The following SGK3 variants were observed in gnomAD, a reference collection of about 807,000 sequenced individuals.
The protein encoded by SGK3 is serine/threonine-protein kinase Sgk3.
In SGK3, 47 loss-of-function variants were observed where a neutral mutation model predicts 68.5. The ratio of observed to expected loss-of-function variants is 0.69; its 90% CI spans 0.54 to 0.87. SGK3 has a LOEUF of 0.87. Ranked by LOEUF, SGK3 falls within the 40% of genes least tolerant of loss-of-function variation. The probability of loss-of-function intolerance (pLI) is 0.00; values close to 1 mark genes in which losing one functional copy is unlikely to be tolerated. For missense variants in SGK3, 479 were observed against 575.5 expected (o/e 0.83, Z 1.72); for synonymous variants, 181 against 189.1 (o/e 0.96, Z 0.35).
intron 4 of SGK3, among the ~76,000 whole-genome samples, chr8:66,812,065 A>G (rs958423728): frequency 1.3e-5 from 2 of 152,208 alleles, no homozygotes; most frequent in African/African-American, 4.8e-5. Flanking sequence ...CATACCTTAC[A>G]TTTAAGAAAT....
chr8:66,811,576 T>C (rs545965317), intron 4 of SGK3, among the ~76,000 whole-genome samples: 55 of 152,330 alleles, frequency 3.6e-4, no homozygotes, highest in Admixed American at 5.9e-4. Flanking sequence ...CTTCTTCTTA[T>C]ATAGGGCTTT....
At chr8:66,792,753 G>T (rs1167647179) in intron 1 of SGK3, among the ~76,000 whole-genome samples, 1 of 152,172 alleles carries the variant, frequency 6.6e-6, no homozygotes, top group Non-Finnish European at 1.5e-5. Context: ...TGAGCCAGGT[G>T]TGATGGTCTG....
In SGK3 at chr8:66,793,802, T is replaced by C. The variant is rs138778635; in HGVS notation, c.66T>C (p.Asp22=). The C allele has an allele frequency of 1.0e-3, 1,685 of 1,613,334 alleles. 4 individuals are homozygous for C. Among genetic ancestry groups the C allele is most frequent in the Middle Eastern group, 2.5e-3 (15 of 6,062 alleles). Residue 22 remains aspartate, a synonymous_variant, in exon 2 of 17, where the codon GAT becomes GAC. Coordinates refer to ENST00000521198, the MANE Select transcript of SGK3 (RefSeq NM_001033578.3). ...SCPSVSIPSS[D]EHREKKKRFT... ...CAAGTGTAAGCATTCCCAGCTCCGA[T>C]GAACACAGAGAGAAAAAGAAGAGGT...
chr8:66,842,272 G>A (rs1040872870), intron 13 of SGK3, among the ~76,000 whole-genome samples: 7 of 147,524 alleles, frequency 4.7e-5, no homozygotes, highest in African/African-American at 1.8e-4. Flanking sequence ...CCAGGCTGGA[G>A]TGCAGTGGCG....
At chr8:66,849,544 A>G (rs570752151) in intron 15 of SGK3, among the ~76,000 whole-genome samples, 1 of 148,636 alleles carries the variant, frequency 6.7e-6, no homozygotes, top group African/African-American at 2.5e-5. Context: ...TCTGGTCTTG[A>G]CTCTTCAATC....
intron 1 of SGK3, among the ~76,000 whole-genome samples, chr8:66,778,364 T>C (rs1448900504): frequency 2.6e-5 from 4 of 152,232 alleles, no homozygotes; most frequent in African/African-American, 9.6e-5. Context: ...TGGCGCGATC[T>C]CGGCACTTGG....
intron 1 of SGK3, among the ~76,000 whole-genome samples, chr8:66,742,841 A>G (rs1472096084): frequency 1.3e-5 from 2 of 152,112 alleles, no homozygotes; most frequent in East Asian, 3.9e-4. Context: ...ATGACCTTTC[A>G]TGGTTAGTCT....
chr8:66,778,160 C>T (rs569178189), intron 1 of SGK3: 1 of 152,316 alleles, frequency 6.6e-6, no homozygotes, highest in Non-Finnish European at 1.5e-5. Flanking sequence ...TTAGCACAGT[C>T]TACTTTGAAT....
chr8:66,741,242 G>C (rs908785654), intron 1 of SGK3, among the ~76,000 whole-genome samples: 1 of 152,044 alleles, frequency 6.6e-6, no homozygotes, highest in Non-Finnish European at 1.5e-5. Flanking sequence ...TAGTCTCAGA[G>C]TATAGACTTT....
chr8:66,764,460 A>G (rs922322831), intron 1 of SGK3, among the ~76,000 whole-genome samples: 1 of 151,808 alleles, frequency 6.6e-6, no homozygotes, highest in Non-Finnish European at 1.5e-5. Flanking sequence ...TAATTTGTAC[A>G]TTATCTTTTG....
At chr8:66,735,195 T>C (rs1217531387) in intron 1 of SGK3, among the ~76,000 whole-genome samples, 2 of 152,190 alleles carry the variant, frequency 1.3e-5, no homozygotes, top group Non-Finnish European at 2.9e-5. Flanking sequence ...TTGGAATGTA[T>C]CCTGAGGATA....
chr8:66,859,743 T>C lies in SGK3; in HGVS notation c.*162T>C. On this transcript the variant is annotated 3_prime_UTR_variant, in exon 17 of 17. Transcript: ENST00000521198. ...TATTTTCTTCTATGTGCAAGAAAAA[T>C]AGGGCATTTCAAAGAGCTGTTTTGA... 1 of 785,326 alleles carries C rather than the reference T, an allele frequency of 1.3e-6. No homozygotes were observed. The highest frequency in any genetic ancestry group is 1.8e-6 in the Non-Finnish European group (1 of 562,728). The allele number at this position is 785,326 out of a possible 1,614,324, so 48.6% of individuals were successfully genotyped here. A position where few individuals can be genotyped will look rare whatever the true frequency, so the allele number is the denominator to read the frequency against.
intron 1 of SGK3, among the ~76,000 whole-genome samples, chr8:66,722,328 G>A (rs988459597): frequency 6.6e-6 from 1 of 152,190 alleles, no homozygotes; most frequent in Non-Finnish European, 1.5e-5. Context: ...TGTCACAGAG[G>A]CTGGAGTGCA....
At position 66,845,385 on chromosome 8, in the gene SGK3, C is replaced by T. The variant is rs1023274381; in HGVS notation, c.1075-1808C>T. ...CTGCACTCCAGCATAGGCAACAAAG[C>T]GAGACTCCGTCTCAAAAAAAAACAA... On this transcript the variant is annotated intron_variant, in intron 14 of 16. Coordinates refer to ENST00000521198, the MANE Select transcript of SGK3 (RefSeq NM_001033578.3). Among the ~76,000 whole-genome samples, 3 of 151,488 alleles carry T rather than the reference C, an allele frequency of 2.0e-5. No homozygotes were observed. In the South Asian group the frequency reaches 6.2e-4, roughly 31 times the overall value.
chr8:66,848,136 G>A (rs987261104), intron 15 of SGK3, among the ~76,000 whole-genome samples: 3 of 152,080 alleles, frequency 2.0e-5, no homozygotes, highest in African/African-American at 4.8e-5. Flanking sequence ...CAGTTCAGCT[G>A]GTAGCTCTGC....
intron 1 of SGK3, among the ~76,000 whole-genome samples, chr8:66,749,855 T>A (rs1034787165): frequency 4.3e-4 from 66 of 152,012 alleles, no homozygotes; most frequent in African/African-American, 1.6e-3. Context: ...CAAATTATAT[T>A]AAGTATGTAA....
chr8:66,760,369 CT>C (rs1806126117), intron 1 of SGK3, among the ~76,000 whole-genome samples: 1 of 143,652 alleles, frequency 7.0e-6, no homozygotes, highest in South Asian at 2.2e-4. Context: ...GAGTCTTGCC[CT>C]GTCACCCAGG....
At chr8:66,833,155 G>C (rs943740597) in intron 8 of SGK3, among the ~76,000 whole-genome samples, 1 of 151,992 alleles carries the variant, frequency 6.6e-6, no homozygotes, top group African/African-American at 2.4e-5. Flanking sequence ...TCAGGCACAC[G>C]CCACCGTGTC....
At position 66,715,543 on chromosome 8, in the gene SGK3, G is replaced by T. The variant is rs576871898; in HGVS notation, c.-122+2710G>T. 6.6e-4 allele frequency among the ~76,000 whole-genome samples: 101 copies of T among 152,278 alleles called. 1 individual carries two copies. The highest frequency in any genetic ancestry group is 6.6e-4 in the Non-Finnish European group (45 of 68,028). On this transcript the variant is annotated intron_variant, in intron 1 of 16. Transcript: ENST00000521198. ...GTTGGGATTACAGGCGTGAGCCACC[G>T]TGCCTGGCCACAGCTTTCTTATCTT...
Sources: gnomAD v4.1 joint callset for allele counts (sites outside exome capture counted in the v4.1 genomes callset) on GRCh38, gnomAD v4.1.1 for gene constraint, MANE v1.5 for transcripts, NCBI Gene and HGNC (gene_info 2026-07-23, HGNC 2026-07-21) for gene names.